Variants in SORCS2 observed in about 807,000 individuals in gnomAD.
SORCS2 encodes sortilin related VPS10 domain containing receptor 2, also known as VPS10 domain-containing receptor SorCS2.
In SORCS2, 100 loss-of-function variants were observed where a neutral mutation model predicts 141.6. The observed-to-expected ratio is 0.71, with a 90% CI of 0.60 to 0.83. SORCS2 has a LOEUF of 0.83. SORCS2 is among the 40% of genes least tolerant of loss of function. The pLI is 0.00. For missense variants in SORCS2, 1,646 were observed against 1,560.2 expected, an observed-to-expected ratio of 1.05 and a Z score of -0.93; for synonymous variants, 789 against 676.9, an observed-to-expected ratio of 1.17 and a Z score of -2.57.
intron 3 of SORCS2, among the ~76,000 whole-genome samples, chr4:7,630,852 G>A (rs1296951050): frequency 6.6e-6 from 1 of 152,124 alleles, no homozygotes; most frequent in Non-Finnish European, 1.5e-5. Flanking sequence ...AGTAGACTGG[G>A]CAATTGGGTT....
At chr4:7,561,597 T>TACCTATTCATCTACCTACCA (rs1560387457) in intron 3 of SORCS2, among the ~76,000 whole-genome samples, 2,988 of 140,598 alleles carry the variant, frequency 0.021, 125 homozygotes, top group African/African-American at 0.075. Context: ...TTCATCCATC[T>TACCTATTCATCTACCTACCA]ATCCATCTAT....
At chr4:7,537,352 G>A (rs1164273797) in intron 3 of SORCS2, among the ~76,000 whole-genome samples, 1 of 152,236 alleles carries the variant, frequency 6.6e-6, no homozygotes, top group Non-Finnish European at 1.5e-5. Flanking sequence ...GAGGATGCCT[G>A]TGGGCAGATC....
chr4:7,477,148 C>T (rs566390699), intron 2 of SORCS2, among the ~76,000 whole-genome samples: 8 of 152,326 alleles, frequency 5.3e-5, no homozygotes, highest in African/African-American at 1.7e-4. Context: ...GGGCTGAGTC[C>T]GTGGCAGGGC....
At chr4:7,605,861 C>T (rs937534816) in intron 3 of SORCS2, among the ~76,000 whole-genome samples, 1 of 152,248 alleles carries the variant, frequency 6.6e-6, no homozygotes, top group South Asian at 2.1e-4. Flanking sequence ...AGGCTGCAGC[C>T]AGTGGGTGGT....
At chr4:7,451,145 AGAAT>A (rs562349083) in intron 2 of SORCS2, among the ~76,000 whole-genome samples, 104 of 152,258 alleles carry the variant, frequency 6.8e-4, no homozygotes, top group African/African-American at 2.3e-3. Context: ...AGGGAGTGAA[AGAAT>A]GAGTGAGTGA....
intron 2 of SORCS2, among the ~76,000 whole-genome samples, chr4:7,459,491 G>A (rs534515909): frequency 2.6e-5 from 4 of 152,286 alleles, no homozygotes; most frequent in East Asian, 3.9e-4. Flanking sequence ...CCAGGTGGAC[G>A]TGAGAGTTGA....
intron 2 of SORCS2, among the ~76,000 whole-genome samples, chr4:7,413,322 A>T (rs1209122825): frequency 2.0e-5 from 3 of 151,250 alleles, no homozygotes; most frequent in Admixed American, 1.3e-4. Flanking sequence ...TACGTGATTT[A>T]TAAATTTAGA....
Position 7,388,838 on chromosome 4 carries a change from C to T in SORCS2, c.481-7450C>T, listed in dbSNP as rs1468157941. Among the ~76,000 whole-genome samples, 5 of 152,184 alleles carry T rather than the reference C, an allele frequency of 3.3e-5. No individual in the cohort carries two copies. In the South Asian group the frequency reaches 6.2e-4, roughly 19 times the overall value. ...GGCTGCCTTGAGTGGTGAGCACCCC[C>T]GGCGATCCCCCCAGGCCCTGCTGGT... On this transcript the variant is annotated intron_variant, in intron 1 of 26. Transcript: ENST00000507866.
At chr4:7,230,541 T>C (rs1711784275) in intron 1 of SORCS2, among the ~76,000 whole-genome samples, 1 of 142,224 alleles carries the variant, frequency 7.0e-6, no homozygotes, top group Non-Finnish European at 1.5e-5. Flanking sequence ...TTCCAGTGTC[T>C]GGGCAGGAGT....
chr4:7,379,746 T>C (rs1459327432), intron 1 of SORCS2, among the ~76,000 whole-genome samples: 2 of 152,190 alleles, frequency 1.3e-5, no homozygotes, highest in African/African-American at 2.4e-5. Flanking sequence ...CTGGGAAATA[T>C]GTTGCTTTGT....
Position 7,648,202 on chromosome 4 carries a change from AG to A in SORCS2, c.814-5930del. On this transcript the variant is annotated intron_variant, in intron 4 of 26. Coordinates refer to ENST00000507866, the MANE Select transcript of SORCS2 (RefSeq NM_020777.3). The surrounding 1 kb of genome is among the most constrained non-coding windows in gnomAD (Gnocchi z 4.2). ...ACTGAGACCGCAGAGGAGGAGGAGG[AG>A]GAGGAGGAGGAAGACACGGAGGCTG... Among the ~76,000 whole-genome samples, 2 of 151,824 alleles carry A rather than the reference AG, an allele frequency of 1.3e-5. No individual in the cohort carries two copies. The highest frequency in any genetic ancestry group is 2.4e-5 in the African/African-American group (1 of 41,298).
intron 1 of SORCS2, among the ~76,000 whole-genome samples, chr4:7,341,076 T>G (rs1407172026): frequency 6.6e-6 from 1 of 152,128 alleles, no homozygotes; most frequent in Non-Finnish European, 1.5e-5. Context: ...GAAAGGAAAA[T>G]ACAGATGTGC....
intron 1 of SORCS2, among the ~76,000 whole-genome samples, chr4:7,249,025 A>G (rs1713309939): frequency 6.6e-6 from 1 of 152,214 alleles, no homozygotes; most frequent in African/African-American, 2.4e-5. Flanking sequence ...TGCAGTTTGT[A>G]TCAGTCAGGA....
rs987259214 is a variant in SORCS2, at chr4:7,233,620, C to T, written c.480+40494C>T. Among the ~76,000 whole-genome samples, 7 of 152,124 alleles carry T rather than the reference C, an allele frequency of 4.6e-5. No homozygotes were observed. The highest frequency in any genetic ancestry group is 3.3e-4 in the Admixed American group (5 of 15,280). ...GGCTGGCGGTCACCGTGGAGTGCAG[C>T]GCTTCTCAGGTGGGACGTTCTAAGG... On this transcript the variant is annotated intron_variant, in intron 1 of 26. Transcript: ENST00000507866. The surrounding 1 kb of genome is among the most constrained non-coding windows in gnomAD (Gnocchi z 4.5).
chr4:7,450,754 AGAGT>A (rs922843666), intron 2 of SORCS2, among the ~76,000 whole-genome samples: 37 of 152,020 alleles, frequency 2.4e-4, no homozygotes, highest in African/African-American at 8.2e-4. Flanking sequence ...AATGAGTGAG[AGAGT>A]GAGTGAGTAA....
chr4:7,433,689 A>G lies in SORCS2; in HGVS notation c.548+37334A>G, dbSNP rs373517794. 186 of 1,612,598 alleles carry G rather than the reference A, an allele frequency of 1.2e-4. 1 individual carries two copies. The East Asian group carries it at 2.4e-3, about 21-fold the overall frequency. ...ACACCGTGAGCAGCCTCTTGCACCC[A>G]TTGCAGAAGCTGCCCTGGTTCTCCG... is the stretch of plus-strand genomic sequence containing the variant. On this transcript the variant is annotated intron_variant, in intron 2 of 26. Coordinates refer to ENST00000507866, the MANE Select transcript of SORCS2 (RefSeq NM_020777.3).
intron 23 of SORCS2, among the ~76,000 whole-genome samples, chr4:7,730,496 A>G (rs1711578101): frequency 6.6e-6 from 1 of 152,252 alleles, no homozygotes; most frequent in South Asian, 2.1e-4. Flanking sequence ...AAAAGTGCTC[A>G]TCGGCTGCTG....
rs766374385 is a variant in SORCS2 at position 7,716,180 on chromosome 4, A to G, written c.2252+869A>G. ...CCAATTTCCTCATTTCTCTTTGAGG[A>G]CATTTTTCAGAGAGGAAGAGAAAAG... is the stretch of plus-strand genomic sequence containing the variant. On this transcript the variant is annotated intron_variant, in intron 17 of 26. Coordinates refer to ENST00000507866, the MANE Select transcript of SORCS2 (RefSeq NM_020777.3). Among the ~76,000 whole-genome samples, 41 of 152,206 alleles carry G rather than the reference A, an allele frequency of 2.7e-4. 1 individual carries two copies. Among genetic ancestry groups the G allele is most frequent in the Admixed American group, 2.6e-4 (4 of 15,274 alleles).
intron 2 of SORCS2, among the ~76,000 whole-genome samples, chr4:7,403,955 A>AGG (rs1724751955): frequency 1.2e-5 from 1 of 83,470 alleles, no homozygotes. Flanking sequence ...CTCTGCCTCC[A>AGG]TGTGTGTATA....
Sources: gnomAD v4.1 joint callset for allele counts (sites outside exome capture counted in the v4.1 genomes callset) on GRCh38, gnomAD v4.1.1 for gene constraint, Gnocchi (gnomAD v3.1) non-coding constraint, MANE v1.5 for transcripts, NCBI Gene and HGNC (gene_info 2026-07-23, HGNC 2026-07-21) for gene names.